CNTNAP5: variants seen among roughly 807,000 people sequenced by gnomAD.
CNTNAP5 encodes the protein contactin-associated protein-like 5.
A neutral mutation model predicts 150.2 loss-of-function variants in CNTNAP5; 72 were observed. That is an observed-to-expected ratio of 0.48 (90% CI 0.40 to 0.58). The LOEUF (loss-of-function observed/expected upper bound fraction) is 0.58. Among genes scored for constraint, CNTNAP5 ranks in the 20% least tolerant of loss-of-function variants. The pLI, the probability that CNTNAP5 is intolerant of heterozygous loss-of-function variation, is 0.00. For synonymous variants in CNTNAP5, 672 were observed against 619.8 expected, an observed-to-expected ratio of 1.08 and a Z score of -1.25; for missense variants, 1,636 against 1,626.2, an observed-to-expected ratio of 1.01 and a Z score of -0.10.
At position 124,316,662 on chromosome 2, in the gene CNTNAP5, G is replaced by A. The variant is rs191264903; in HGVS notation, c.381+74269G>A. ...CTACTAAAAATACAAAAAATTAGCCGGGAGTGGTGGCAGGTGCCTGTAGTC... is the reference window on the plus strand; with the variant it reads ...CTACTAAAAATACAAAAAATTAGCCAGGAGTGGTGGCAGGTGCCTGTAGTC... On this transcript the variant is annotated intron_variant, in intron 3 of 23. Transcript: ENST00000682447. Among the ~76,000 whole-genome samples the A allele has an allele frequency of 3.0e-3, 459 of 151,700 alleles. 1 individual carries two copies. The highest frequency in any genetic ancestry group is 5.3e-3 in the Non-Finnish European group (357 of 67,884).
At position 124,508,608 on chromosome 2, in the gene CNTNAP5, A is replaced by G. The variant is rs551428688; in HGVS notation, c.1327+4052A>G. On this transcript the variant is annotated intron_variant, in intron 8 of 23. Coordinates refer to ENST00000682447, the MANE Select transcript of CNTNAP5 (RefSeq NM_001367498.1). ...AGAGCCTGGTAAGAGCTGCCACCTTACCCAGCTGCAGAAAGGGAACAAATC... is the reference window on the plus strand; with the variant it reads ...AGAGCCTGGTAAGAGCTGCCACCTTGCCCAGCTGCAGAAAGGGAACAAATC... Among the ~76,000 whole-genome samples the G allele has an allele frequency of 3.5e-4, 54 of 152,308 alleles. No individual in the cohort carries two copies. The South Asian group carries it at 0.011, about 32-fold the overall frequency.
At chr2:124,490,402 A>AAAGG (rs907205761) in intron 7 of CNTNAP5, among the ~76,000 whole-genome samples, 10 of 147,818 alleles carry the variant, frequency 6.8e-5, no homozygotes, top group Non-Finnish European at 6.0e-5. Context: ...AGGGAGGGAG[A>AAAGG]AAGGAAGGAA....
intron 2 of CNTNAP5, among the ~76,000 whole-genome samples, chr2:124,232,799 C>T (rs1686656279): frequency 6.6e-6 from 1 of 152,152 alleles, no homozygotes; most frequent in Non-Finnish European, 1.5e-5. Flanking sequence ...ATCTTTTCTA[C>T]AAAAAATATC....
At chr2:124,613,733 C>T (rs1289822367) in intron 12 of CNTNAP5, among the ~76,000 whole-genome samples, 1 of 152,186 alleles carries the variant, frequency 6.6e-6, no homozygotes, top group African/African-American at 2.4e-5. Context: ...GTGCATCTCA[C>T]CTGCACACAG....
At chr2:124,649,900 A>G (rs1359098967) in intron 13 of CNTNAP5, among the ~76,000 whole-genome samples, 1 of 152,224 alleles carries the variant, frequency 6.6e-6, no homozygotes, top group East Asian at 1.9e-4. Context: ...AAATTGTTCC[A>G]TAATGGGAAA....
chr2:124,135,348 C>G (rs1558769695), intron 1 of CNTNAP5, among the ~76,000 whole-genome samples: 1 of 152,198 alleles, frequency 6.6e-6, no homozygotes. Flanking sequence ...CAAAGCCAGA[C>G]ACAGGCAAGC....
chr2:124,455,954 C>G (rs2420857), intron 6 of CNTNAP5, among the ~76,000 whole-genome samples: 1 of 152,000 alleles, frequency 6.6e-6, no homozygotes. Flanking sequence ...CCACATGCAA[C>G]GTAATACTGA....
At chr2:124,769,699 GC>G (rs1681148060) in intron 16 of CNTNAP5, among the ~76,000 whole-genome samples, 1 of 152,084 alleles carries the variant, frequency 6.6e-6, no homozygotes, top group South Asian at 2.1e-4. Flanking sequence ...GCTTTGACTA[GC>G]CAGGGCAACT....
chr2:124,904,500 A>C (rs886611723), intron 22 of CNTNAP5, among the ~76,000 whole-genome samples: 1 of 152,156 alleles, frequency 6.6e-6, no homozygotes, highest in Non-Finnish European at 1.5e-5. Context: ...AGTAATAAAA[A>C]AAAAAGCATA....
intron 3 of CNTNAP5, among the ~76,000 whole-genome samples, chr2:124,253,209 G>A (rs941255982): frequency 7.2e-5 from 11 of 151,804 alleles, no homozygotes; most frequent in African/African-American, 2.4e-4. Flanking sequence ...AATGTTATTT[G>A]AGGACTCATT....
intron 12 of CNTNAP5, among the ~76,000 whole-genome samples, chr2:124,627,509 GCAA>G (rs1396308035): frequency 1.6e-5 from 2 of 129,014 alleles, no homozygotes; most frequent in Non-Finnish European, 3.3e-5. Context: ...CAAACAGAAA[GCAA>G]CAACAACATC....
At chr2:124,319,955 A>G (rs142493758) in intron 3 of CNTNAP5, among the ~76,000 whole-genome samples, 1 of 152,344 alleles carries the variant, frequency 6.6e-6, no homozygotes, top group East Asian at 1.9e-4. Context: ...TTATAAATTA[A>G]GATTGTATCC....
chr2:124,860,020 G>T (rs1345549505), intron 19 of CNTNAP5, among the ~76,000 whole-genome samples: 1 of 151,862 alleles, frequency 6.6e-6, no homozygotes, highest in Non-Finnish European at 1.5e-5. Flanking sequence ...TAACAAACCT[G>T]TACATTGTGC....
intron 3 of CNTNAP5, among the ~76,000 whole-genome samples, chr2:124,374,834 A>G (rs1285125663): frequency 3.3e-5 from 5 of 152,058 alleles, no homozygotes; most frequent in Admixed American, 6.6e-5. Flanking sequence ...GGAACGTCCT[A>G]TGACTCACAA....
At chr2:124,812,143 T>A (rs1427807010) in intron 19 of CNTNAP5, among the ~76,000 whole-genome samples, 39 of 105,784 alleles carry the variant, frequency 3.7e-4, no homozygotes, top group Non-Finnish European at 6.3e-4. Flanking sequence ...TATTTATATA[T>A]TATATAATAT....
Position 124,854,154 on chromosome 2 carries a change from T to C in CNTNAP5, c.3218-11152T>C, listed in dbSNP as rs182887486. Reference sequence around the variant, plus strand: ...GTACTTCAACCCTTATAACCACTTATTGATTTTGAATTCACAAAACATGTA... The same window carrying C: ...GTACTTCAACCCTTATAACCACTTACTGATTTTGAATTCACAAAACATGTA... On this transcript the variant is annotated intron_variant, in intron 19 of 23. Transcript: ENST00000682447. 3.0e-4 allele frequency among the ~76,000 whole-genome samples: 45 copies of C among 152,314 alleles called. 1 individual carries two copies. The East Asian group carries it at 6.2e-3, about 21-fold the overall frequency.
intron 1 of CNTNAP5, among the ~76,000 whole-genome samples, chr2:124,133,311 A>C (rs1275655796): frequency 6.7e-6 from 1 of 150,174 alleles, no homozygotes; most frequent in African/African-American, 2.5e-5. Context: ...AAAACAAAAC[A>C]AAAAAAAAGG....
chr2:124,805,714 A>G (rs1682067028), intron 19 of CNTNAP5, among the ~76,000 whole-genome samples: 1 of 152,134 alleles, frequency 6.6e-6, no homozygotes. Flanking sequence ...AAACAACAAC[A>G]ATTTATTTTC....
chr2:124,659,492 A>G (rs1678538469), intron 13 of CNTNAP5, among the ~76,000 whole-genome samples: 1 of 152,240 alleles, frequency 6.6e-6, no homozygotes, highest in South Asian at 2.1e-4. Context: ...TGGAGTAGCC[A>G]TCATCAGGAA....
Sources: gnomAD v4.1 joint callset for allele counts (sites outside exome capture counted in the v4.1 genomes callset) on GRCh38, gnomAD v4.1.1 for gene constraint, MANE v1.5 for transcripts, NCBI Gene and HGNC (gene_info 2026-07-23, HGNC 2026-07-21) for gene names.